SCRIB: variants seen among roughly 807,000 people sequenced by gnomAD.
SCRIB encodes scribble planar cell polarity protein.
In SCRIB, 72 loss-of-function variants were observed where a neutral mutation model predicts 170.0. The observed-to-expected ratio is 0.42, with a 90% CI of 0.35 to 0.52. The LOEUF is 0.52. Ranked by LOEUF, SCRIB falls within the 20% of genes least tolerant of loss-of-function variation. The probability of loss-of-function intolerance (pLI) is 0.02; values close to 1 mark genes in which losing one functional copy is unlikely to be tolerated. For synonymous variants in SCRIB, 1,298 were observed against 1,044.3 expected, an observed-to-expected ratio of 1.24 and a Z score of -4.68; for missense variants, 2,475 against 2,338.5, an observed-to-expected ratio of 1.06 and a Z score of -1.20.
At position 143,792,392 on chromosome 8, in the gene SCRIB, A is replaced by G. The variant is rs567707024; in HGVS notation, c.4342T>C (p.Ser1448Pro). ...PSPTSRQSPA[S>P]PPPLGGGAPV... ...GCGCCACCTCCCAGGGGTGGGGGGG[A>G]CGCCGGGCTCTGCCTGGGGAAGGGA... Residue 1448 changes from serine to proline, a missense_variant, in exon 32 of 37, where the codon TCC (serine) becomes CCC (proline). By Grantham distance (74) the Ser-to-Pro change is moderately conservative. Coordinates refer to ENST00000356994, the MANE Select transcript of SCRIB (RefSeq NM_182706.5). 6.7e-7 allele frequency: 1 copy of G among 1,497,630 alleles called. No homozygotes were observed. The highest frequency in any genetic ancestry group is 8.9e-7 in the Non-Finnish European group (1 of 1,127,804). 92.8% of individuals were successfully genotyped at this position (1,497,630 alleles called of 1,614,324 possible).
Position 143,803,989 on chromosome 8 carries a change from C to T in SCRIB, c.3121-49G>A, listed in dbSNP as rs151042035. The T allele has an allele frequency of 2.1e-5, 33 of 1,573,944 alleles. No homozygotes were observed. In the Middle Eastern group the frequency reaches 6.7e-4, roughly 32 times the overall value. The stretch of plus-strand genomic sequence containing the variant: ...TGGTGGCTGAGGCCGCGCTGACCTG[C>T]GCTGGTACCTGGGATGGGTGCACCT... On this transcript the variant is annotated intron_variant, in intron 22 of 36. Coordinates refer to ENST00000356994, the MANE Select transcript of SCRIB (RefSeq NM_182706.5).
intron 24 of SCRIB, among the ~76,000 whole-genome samples, chr8:143,799,325 G>A (rs146888797): frequency 1.3e-5 from 2 of 152,222 alleles, no homozygotes; most frequent in African/African-American, 4.8e-5. Flanking sequence ...CTCTTCTGAA[G>A]TTTAATTTTT....
chr8:143,809,399 A>C (rs1815598467), intron 14 of SCRIB, 152 bp downstream of exon 14: 1 of 890,922 alleles, frequency 1.1e-6, no homozygotes, highest in Non-Finnish European at 1.7e-6. Context: ...GCCCTGCACC[A>C]CCCGTAGCCA....
intron 9 of SCRIB, 36 bp downstream of exon 9, chr8:143,812,230 G>T (rs541715583): frequency 1.5e-6 from 2 of 1,346,474 alleles, no homozygotes; most frequent in South Asian, 1.2e-5. Flanking sequence ...CACCCCCGAC[G>T]GCCCCATCCT....
chr8:143,792,913 A>G, intron 29 of SCRIB, 46 bp from the exon 30 acceptor site: 1 of 1,498,378 alleles, frequency 6.7e-7, no homozygotes, highest in Non-Finnish European at 8.9e-7. Context: ...CCTCCGAGAT[A>G]CTGGGGCCCC....
At chr8:143,806,513 G>A (rs1815432576) in intron 17 of SCRIB, 29 bp from the exon 18 acceptor site, 2 of 1,554,098 alleles carry the variant, frequency 1.3e-6, no homozygotes, top group African/African-American at 1.4e-5. Flanking sequence ...CTTGGCAGGG[G>A]CCAGGGAGAC....
rs781941685 is a variant in SCRIB at position 143,792,724 on chromosome 8, C to A, written c.4161G>T (p.Lys1387Asn). 7 of 1,589,702 alleles carry A rather than the reference C, an allele frequency of 4.4e-6. No individual in the cohort carries two copies. The change falls in exon 30 of 37, where the codon AAG (lysine) becomes AAT (asparagine). Residue 1387 changes from lysine (K) to asparagine (N), a missense_variant. By Grantham distance (94) the Lys-to-Asn change is moderately conservative. Transcript: ENST00000356994. ...VSLVGADDLR[K>N]MQEEEARKLQ... ...GCCCCTCACCTTCCTCCTCCTGCAT[C>A]TTCCGCAGGTCGTCAGCACCCACCA...
rs374089441 is a variant in SCRIB, at chr8:143,808,785, T to G, written c.1939A>C (p.Asn647His). 4.3e-5 allele frequency: 69 copies of G among 1,611,114 alleles called. No individual in the cohort carries two copies. The highest frequency in any genetic ancestry group is 1.7e-5 in the Admixed American group (1 of 59,834). The stretch of plus-strand genomic sequence containing the variant: ...GGAGCCCAGGGTGCGTGGGGGCCAT[T>G]GTGCCAGCCCCCGGGAGCCACAGGG... ...EGPVAPGGWH[N>H]GPHAPWAPRA... The change falls in exon 15 of 37, where the codon AAT becomes CAT. Residue 647 changes from asparagine (N) to histidine (H), a missense_variant. Asn to His is a moderately conservative substitution (Grantham distance 68). Transcript: ENST00000356994.
In SCRIB at chr8:143,806,955, T is replaced by C. The variant is rs953843904; in HGVS notation, c.2237A>G (p.Lys746Arg). 4 of 1,613,334 alleles carry C rather than the reference T, an allele frequency of 2.5e-6. No individual in the cohort carries two copies. Among genetic ancestry groups the C allele is most frequent in the South Asian group, 1.1e-5 (1 of 90,868 alleles). The change falls in exon 17 of 37, where the codon AAG (lysine) becomes AGG (arginine). Residue 746 changes from lysine (K) to arginine (R), a missense_variant. Coordinates refer to ENST00000356994, the MANE Select transcript of SCRIB (RefSeq NM_182706.5). ...GTCCCCCTTATAGGGTGTGGAGCCC[T>C]TGCCGCCCGCAATGCTGATGCCCAG... is the stretch of plus-strand genomic sequence containing the variant. The part of the protein sequence containing the change: ...GGLGISIAGG[K>R]GSTPYKGDDE...
At position 143,803,388 on chromosome 8, in the gene SCRIB, G is replaced by A. The variant is rs781929473; in HGVS notation, c.3598C>T (p.Leu1200=). The A allele has an allele frequency of 2.5e-6, 4 of 1,574,612 alleles. No homozygotes were observed. The highest frequency in any genetic ancestry group is 1.1e-5 in the South Asian group (1 of 88,544). The change falls in exon 24 of 37, where the codon CTG becomes TTG. Residue 1200 remains leucine (L), a synonymous_variant. Coordinates refer to ENST00000356994, the MANE Select transcript of SCRIB (RefSeq NM_182706.5). ...CCCGGGGCGGGATCGCTAACCTCCA[G>A]GGCTGCGTCGGTGCTGGCCTCAAAG... is the stretch of plus-strand genomic sequence containing the variant. ...DGFEASTDAA[L]EVSPGVIANP... is the part of the protein sequence containing the mutation.
rs781956490 is a variant in SCRIB, at chr8:143,793,889, G to A, written c.3909+11C>T. 6.2e-7 allele frequency: 1 copy of A among 1,612,852 alleles called. No homozygotes were observed. The highest frequency in any genetic ancestry group is 2.2e-5 in the East Asian group (1 of 44,876). On this transcript the variant is annotated intron_variant, in intron 28 of 36. Coordinates refer to ENST00000356994, the MANE Select transcript of SCRIB (RefSeq NM_182706.5). ...CACCATGGGGCACACCCGTTAACTTGGGACACTCACCTGCTGGCCACTAGG... is the reference window on the plus strand; with the variant it reads ...CACCATGGGGCACACCCGTTAACTTAGGACACTCACCTGCTGGCCACTAGG...
intron 13 of SCRIB, among the ~76,000 whole-genome samples, chr8:143,810,247 G>C (rs745656047): frequency 6.6e-6 from 1 of 151,702 alleles, no homozygotes; most frequent in Non-Finnish European, 1.5e-5. Context: ...CCCACCACTG[G>C]TTCTCCCCAT....
chr8:143,805,080 C>T, intron 19 of SCRIB, 32 bp downstream of exon 19: 2 of 1,590,208 alleles, frequency 1.3e-6, no homozygotes, highest in Non-Finnish European at 1.7e-6. Flanking sequence ...AGCTCTAGAG[C>T]AGCCCTCCCC....
rs782389151 is a variant in SCRIB, at chr8:143,805,139, G to A, written c.2643C>T (p.Gly881=). The change falls in exon 19 of 37, where the codon GGC becomes GGT. Residue 881 remains glycine, a synonymous_variant. Transcript: ENST00000356994. The part of the protein sequence containing the change: ...GLGFSIAGGK[G]STPYRAGDAG... Reference sequence around the variant, plus strand: ...CATCACCAGCCCTGTAGGGTGTGGAGCCTTTCCCACCAGCAATGCTGAAGC... The same window carrying A: ...CATCACCAGCCCTGTAGGGTGTGGAACCTTTCCCACCAGCAATGCTGAAGC... The A allele has an allele frequency of 1.9e-6, 3 of 1,583,612 alleles. No individual in the cohort carries two copies. Among genetic ancestry groups the A allele is most frequent in the African/African-American group, 1.3e-5 (1 of 74,220 alleles).
In SCRIB at chr8:143,813,386, G is replaced by A; in HGVS notation, c.504-12C>T. ...GAAATGACAGGGACCTGCAGAGGAA[G>A]CAGGGTGGAGGTGTGGCCACGCAGC... On this transcript the variant is annotated splice_polypyrimidine_tract_variant and intron_variant, in intron 5 of 36. Transcript: ENST00000356994. The A allele has an allele frequency of 3.1e-6, 5 of 1,613,488 alleles. No individual in the cohort carries two copies. Among genetic ancestry groups the A allele is most frequent in the Middle Eastern group, 1.6e-4 (1 of 6,062 alleles).
rs782209733 is a variant in SCRIB, at chr8:143,792,844, G to A, written c.4041C>T (p.Ala1347=). The A allele has an allele frequency of 5.2e-6, 8 of 1,532,352 alleles. No homozygotes were observed. Among genetic ancestry groups the A allele is most frequent in the East Asian group, 2.3e-5 (1 of 43,658 alleles). The allele number at this position is 1,532,352 out of a possible 1,614,324, so 94.9% of individuals were successfully genotyped here. The change falls in exon 30 of 37, where the codon GCC becomes GCT. Residue 1347 remains alanine (A), a synonymous_variant. Coordinates refer to ENST00000356994, the MANE Select transcript of SCRIB (RefSeq NM_182706.5). ...PAQPPTPGPA[A]SPEQLSFRER... ...CCCGGAAGGACAGCTGCTCCGGGGA[G>A]GCTGCAGGCCCAGGCGTGGGGGGCT...
Position 143,792,651 on chromosome 8 carries a change from G to C in SCRIB, c.4178-16C>G. ...AGTTTTCTGGCTGCCGGAGGGCAGG[G>C]TGGGTCAGGCCAGACCAGCCGAGAC... On this transcript the variant is annotated splice_polypyrimidine_tract_variant and intron_variant, in intron 30 of 36. Transcript: ENST00000356994. 2 of 1,592,734 alleles carry C rather than the reference G, an allele frequency of 1.3e-6. No homozygotes were observed. Among genetic ancestry groups the C allele is most frequent in the Non-Finnish European group, 1.7e-6 (2 of 1,177,042 alleles).
chr8:143,808,620 G>A lies in SCRIB; in HGVS notation c.2104C>T (p.Pro702Ser), dbSNP rs768737093. 4.0e-6 allele frequency: 6 copies of A among 1,511,592 alleles called. No individual in the cohort carries two copies. Among genetic ancestry groups the A allele is most frequent in the Admixed American group, 2.3e-5 (1 of 43,484 alleles). The allele number at this position is 1,511,592 out of a possible 1,614,324, so 93.6% of individuals were successfully genotyped here. A position where few individuals can be genotyped will look rare whatever the true frequency, so the allele number is the denominator to read the frequency against. Residue 702 changes from proline to serine, a missense_variant, in exon 15 of 37, where the codon CCC becomes TCC. Transcript: ENST00000356994. ...EDKEGAVVSA[P>S]SVKGVSFDQA... ...AGGCTGACACCAACCTTGACAGAGG[G>A]CGCAGAAACCACGGCCCCCTCCTTG...
At chr8:143,809,886 A>G (rs1815627254) in intron 13 of SCRIB, among the ~76,000 whole-genome samples, 168 bp from the exon 14 acceptor site, 1 of 152,204 alleles carries the variant, frequency 6.6e-6, no homozygotes, top group Admixed American at 6.5e-5. Context: ...CCTGCAAGGA[A>G]GCCACACGCC....
Sources: allele counts gnomAD v4.1 joint callset (sites outside exome capture counted in the v4.1 genomes callset), GRCh38; gene constraint gnomAD v4.1.1; transcripts MANE v1.5; gene names NCBI Gene and HGNC (gene_info 2026-07-23, HGNC 2026-07-21).